The following CAMTA1 variants were observed in gnomAD, a reference collection of about 807,000 sequenced individuals.
CAMTA1 encodes calmodulin-binding transcription activator 1.
A neutral mutation model predicts 170.9 loss-of-function variants in CAMTA1; 27 were observed. That is an observed-to-expected ratio of 0.16 (90% CI 0.12 to 0.22). The LOEUF is 0.22. CAMTA1 is among the 10% of genes least tolerant of loss of function. The pLI is 1.00. For missense variants in CAMTA1, 1,619 were observed against 2,217.2 expected (o/e 0.73, Z 5.42); for synonymous variants, 833 against 891.5 (o/e 0.93, Z 1.17).
chr1:7,351,844 A>G (rs896460113), intron 5 of CAMTA1, among the ~76,000 whole-genome samples: 2 of 152,236 alleles, frequency 1.3e-5, no homozygotes, highest in African/African-American at 4.8e-5. Flanking sequence ...ATTTATGGCA[A>G]GTATAAACAG....
At chr1:7,256,019 C>T (rs747692539) in intron 5 of CAMTA1, among the ~76,000 whole-genome samples, 4 of 152,088 alleles carry the variant, frequency 2.6e-5, no homozygotes, top group Admixed American at 6.5e-5. Flanking sequence ...GGGAATCTCC[C>T]GGGGCTCTCT....
intron 4 of CAMTA1, among the ~76,000 whole-genome samples, chr1:7,227,209 C>T (rs1267789316): frequency 6.6e-6 from 1 of 152,180 alleles, no homozygotes; most frequent in Non-Finnish European, 1.5e-5. Flanking sequence ...CTCTGTCCGT[C>T]TCTGTGCCCC....
chr1:6,909,288 T>C (rs1679215809), intron 3 of CAMTA1, among the ~76,000 whole-genome samples: 1 of 152,224 alleles, frequency 6.6e-6, no homozygotes, highest in African/African-American at 2.4e-5. Flanking sequence ...GTACCTAATA[T>C]TTGGATACAG....
chr1:7,147,489 AAC>A (rs1438969519), intron 4 of CAMTA1, among the ~76,000 whole-genome samples: 5 of 143,252 alleles, frequency 3.5e-5, no homozygotes, highest in Middle Eastern at 8.3e-3. Context: ...TGCACACACA[AAC>A]ACACTCAAAT....
At position 7,161,485 on chromosome 1, in the gene CAMTA1, T is replaced by G. The variant is rs557223696; in HGVS notation, c.302+70114T>G. Among the ~76,000 whole-genome samples, 12 of 152,318 alleles carry G rather than the reference T, an allele frequency of 7.9e-5. No homozygotes were observed. The East Asian group carries it at 2.3e-3, about 29-fold the overall frequency. ...AATTCCCACATGTCTTGGGAGGTGA[T>G]TGAATTATGGGTACGGGTCTTTCCT... On this transcript the variant is annotated intron_variant, in intron 4 of 22. Transcript: ENST00000303635.
chr1:7,761,456 TTA>T (rs2096975318), intron 22 of CAMTA1, among the ~76,000 whole-genome samples: 1 of 152,174 alleles, frequency 6.6e-6, no homozygotes, highest in South Asian at 2.1e-4. Context: ...CTGGACATTT[TTA>T]GATTCAGTTC....
At position 7,393,530 on chromosome 1, in the gene CAMTA1, A is replaced by G. The variant is rs914630688; in HGVS notation, c.439-74300A>G. Among the ~76,000 whole-genome samples, 15 of 152,076 alleles carry G rather than the reference A, an allele frequency of 9.9e-5. No homozygotes were observed. In the South Asian group the frequency reaches 1.7e-3, roughly 17 times the overall value. ...TGGGCTAAAGTGATCCTCCTGTCCC[A>G]GCCTTGTTTGTTTTTTCTTTTCTTT... On this transcript the variant is annotated intron_variant, in intron 5 of 22. Coordinates refer to ENST00000303635, the MANE Select transcript of CAMTA1 (RefSeq NM_015215.4).
At chr1:7,553,648 A>G (rs2094837788) in intron 6 of CAMTA1, among the ~76,000 whole-genome samples, 1 of 152,246 alleles carries the variant, frequency 6.6e-6, no homozygotes, top group Non-Finnish European at 1.5e-5. Flanking sequence ...AAAGGTGCTG[A>G]GAGAAACTTC....
At position 6,936,358 on chromosome 1, in the gene CAMTA1, C is replaced by G. The variant is rs116131461; in HGVS notation, c.234+111148C>G. On this transcript the variant is annotated intron_variant, in intron 3 of 22. Transcript: ENST00000303635. ...ATGGCATTTCCACTGAAATGAAATA[C>G]AATCACTGGTTTAGCAGTTAGGATT... 2.8e-3 allele frequency among the ~76,000 whole-genome samples: 419 copies of G among 152,280 alleles called. 3 individuals carry two copies. Among genetic ancestry groups the G allele is most frequent in the African/African-American group, 9.7e-3 (404 of 41,556 alleles).
chr1:6,968,084 T>G (rs931286749), intron 3 of CAMTA1, among the ~76,000 whole-genome samples: 78 of 152,352 alleles, frequency 5.1e-4, no homozygotes, highest in African/African-American at 1.8e-3. Flanking sequence ...TTCCCTTTGC[T>G]GTGGAGATAG....
At chr1:6,968,307 G>T (rs1691920346) in intron 3 of CAMTA1, among the ~76,000 whole-genome samples, 1 of 152,230 alleles carries the variant, frequency 6.6e-6, no homozygotes, top group Non-Finnish European at 1.5e-5. Flanking sequence ...GCTGGGACAA[G>T]ATCGGAAGTA....
chr1:7,294,542 A>G (rs539254761), intron 5 of CAMTA1, among the ~76,000 whole-genome samples: 1 of 152,280 alleles, frequency 6.6e-6, no homozygotes, highest in South Asian at 2.1e-4. Flanking sequence ...TCTGCAGAGA[A>G]AGGGCTGCTT....
At chr1:6,927,090 T>A (rs922909493) in intron 3 of CAMTA1, among the ~76,000 whole-genome samples, 32 of 151,846 alleles carry the variant, frequency 2.1e-4, no homozygotes, top group African/African-American at 7.5e-4. Flanking sequence ...AGTGGCACAA[T>A]CATAACTCAC....
Position 7,426,023 on chromosome 1 carries a change from C to CT in CAMTA1, c.439-41805dup, listed in dbSNP as rs2091859924. On this transcript the variant is annotated intron_variant, in intron 5 of 22. Transcript: ENST00000303635. The surrounding 1 kb of genome is among the most constrained non-coding windows in gnomAD (Gnocchi z 4.8). ...GCTGCAGTGACTGGCACTACACATG[C>CT]TTGAGATCACAGGTGAGCTGCGGTC... is the stretch of plus-strand genomic sequence containing the variant. Among the ~76,000 whole-genome samples, 1 of 152,132 alleles carries CT rather than the reference C, an allele frequency of 6.6e-6. No homozygotes were observed. The highest frequency in any genetic ancestry group is 1.5e-5 in the Non-Finnish European group (1 of 68,028).
In CAMTA1 at chr1:7,659,398, G is replaced by A. The variant is rs184109949; in HGVS notation, c.665-2328G>A. On this transcript the variant is annotated intron_variant, in intron 7 of 22. Coordinates refer to ENST00000303635, the MANE Select transcript of CAMTA1 (RefSeq NM_015215.4). Reference sequence around the variant, plus strand: ...AAAATACAAAAATTAGCCAGGCCCGGTGGCAGGCGCCTGTAATCCCAGCTA... The same window carrying A: ...AAAATACAAAAATTAGCCAGGCCCGATGGCAGGCGCCTGTAATCCCAGCTA... Among the ~76,000 whole-genome samples the A allele has an allele frequency of 3.9e-5, 6 of 152,182 alleles. No individual in the cohort carries two copies. In the East Asian group the frequency reaches 1.2e-3, roughly 29 times the overall value.
intron 6 of CAMTA1, among the ~76,000 whole-genome samples, chr1:7,535,675 C>T (rs548354663): frequency 4.5e-4 from 68 of 152,256 alleles, no homozygotes; most frequent in African/African-American, 1.5e-3. Context: ...GGCTGAAGAC[C>T]ACACCTCCTG....
At position 7,436,114 on chromosome 1, in the gene CAMTA1, A is replaced by G. The variant is rs567102040; in HGVS notation, c.439-31716A>G. Among the ~76,000 whole-genome samples, 3 of 152,310 alleles carry G rather than the reference A, an allele frequency of 2.0e-5. No homozygotes were observed. In the South Asian group the frequency reaches 6.2e-4, roughly 32 times the overall value. The stretch of plus-strand genomic sequence containing the variant: ...GAGCCACAGCCTGATATGAATATTG[A>G]TTGGAAAAAATGTCTCTCCCCTCGT... On this transcript the variant is annotated intron_variant, in intron 5 of 22. Coordinates refer to ENST00000303635, the MANE Select transcript of CAMTA1 (RefSeq NM_015215.4).
chr1:7,410,969 ATG>A lies in CAMTA1; in HGVS notation c.439-56853_439-56852del, dbSNP rs557640682. ...TATATGTGTGTATGTCTGTGTGTGT[ATG>A]TGTGTGTATATGTGTTTGTGTATGT... On this transcript the variant is annotated intron_variant, in intron 5 of 22. Coordinates refer to ENST00000303635, the MANE Select transcript of CAMTA1 (RefSeq NM_015215.4). Among the ~76,000 whole-genome samples the A allele has an allele frequency of 2.6e-4, 38 of 147,744 alleles. 1 individual carries two copies. In the East Asian group the frequency reaches 5.8e-3, roughly 22 times the overall value.
intron 6 of CAMTA1, among the ~76,000 whole-genome samples, chr1:7,479,111 TG>T (rs1296367118): frequency 1.3e-5 from 2 of 152,196 alleles, no homozygotes; most frequent in African/African-American, 4.8e-5. Context: ...TTGGTCTGTG[TG>T]GGCGTGTCAG....
Sources: allele counts gnomAD v4.1 joint callset (sites outside exome capture counted in the v4.1 genomes callset), GRCh38; gene constraint gnomAD v4.1.1; non-coding constraint Gnocchi (gnomAD v3.1); transcripts MANE v1.5; gene names NCBI Gene and HGNC (gene_info 2026-07-23, HGNC 2026-07-21).